The following PIK3CB variants were observed in gnomAD, a reference collection of about 807,000 sequenced individuals.
The protein encoded by PIK3CB is phosphatidylinositol 4,5-bisphosphate 3-kinase catalytic subunit beta isoform.
In PIK3CB, 39 loss-of-function variants were observed where a neutral mutation model predicts 136.8. The observed-to-expected ratio is 0.29, with a 90% CI of 0.22 to 0.37. The LOEUF (loss-of-function observed/expected upper bound fraction) is 0.37. PIK3CB is among the 10% of genes least tolerant of loss of function. PIK3CB has a pLI of 1.00. For missense variants in PIK3CB, 868 were observed against 1,275.4 expected (o/e 0.68, Z 4.87); for synonymous variants, 428 against 436.6 (o/e 0.98, Z 0.25).
At chr3:138,778,133 C>T (rs2045881677) in intron 2 of PIK3CB, 6 of 416,888 alleles carry the variant, frequency 1.4e-5, no homozygotes, top group Admixed American at 2.7e-5. Flanking sequence ...ATCTTCACTA[C>T]CTTGTAGAAG....
intron 4 of PIK3CB, among the ~76,000 whole-genome samples, chr3:138,751,770 A>C (rs2108704222): frequency 6.6e-6 from 1 of 152,148 alleles, no homozygotes; most frequent in East Asian, 1.9e-4. Context: ...CAGGAGTTCG[A>C]GACCAGCCTA....
At chr3:138,660,299 T>C (rs1426370731) in intron 21 of PIK3CB, among the ~76,000 whole-genome samples, 1 of 152,224 alleles carries the variant, frequency 6.6e-6, no homozygotes, top group Non-Finnish European at 1.5e-5. Context: ...ATTTCTATTT[T>C]AACTTTTTGT....
At chr3:138,788,336 T>G (rs896447836) in intron 2 of PIK3CB, among the ~76,000 whole-genome samples, 1 of 152,116 alleles carries the variant, frequency 6.6e-6, no homozygotes, top group African/African-American at 2.4e-5. Flanking sequence ...GAAATAAACT[T>G]AAAACATTCC....
chr3:138,827,531 G>C (rs1933835353), intron 1 of PIK3CB, among the ~76,000 whole-genome samples: 1 of 151,904 alleles, frequency 6.6e-6, no homozygotes, highest in Non-Finnish European at 1.5e-5. Context: ...TAGCCAGGCA[G>C]GCATGATGGT....
At chr3:138,762,013 G>A (rs568791555) in intron 2 of PIK3CB, among the ~76,000 whole-genome samples, 10 of 151,656 alleles carry the variant, frequency 6.6e-5, no homozygotes, top group Middle Eastern at 3.4e-3. Flanking sequence ...TTGGGAGGCC[G>A]AGGTGGGTGG....
intron 1 of PIK3CB, among the ~76,000 whole-genome samples, chr3:138,814,410 G>T (rs1434206275): frequency 6.6e-6 from 1 of 151,596 alleles, no homozygotes; most frequent in African/African-American, 2.4e-5. Flanking sequence ...GCCAGGAGGT[G>T]GAGGTTGCAG....
At chr3:138,815,368 A>AAAAAACAAC (rs1553743731) in intron 1 of PIK3CB, among the ~76,000 whole-genome samples, 1 of 105,910 alleles carries the variant, frequency 9.4e-6, no homozygotes, top group Non-Finnish European at 1.9e-5. Context: ...AAAAAAAAAA[A>AAAAAACAAC]AAAAAAACTA....
chr3:138,658,270 G>A (rs944754778), intron 21 of PIK3CB, among the ~76,000 whole-genome samples: 2 of 151,974 alleles, frequency 1.3e-5, no homozygotes, highest in Non-Finnish European at 2.9e-5. Context: ...GCAACATAGC[G>A]AGACCCCATC....
At chr3:138,812,623 G>C (rs1329182224) in intron 1 of PIK3CB, among the ~76,000 whole-genome samples, 1 of 151,630 alleles carries the variant, frequency 6.6e-6, no homozygotes, top group Admixed American at 6.6e-5. Context: ...TGACTCCCGG[G>C]TTCAAGCGAT....
rs2043158660 is a variant in PIK3CB, at chr3:138,654,364, A to G, written c.*1025T>C. ...TTCCGTGTGGCGTGAAACCATTTCA[A>G]TTTGAACTAATATCCTTGAAAAAAA... On this transcript the variant is annotated 3_prime_UTR_variant, in exon 24 of 24. Coordinates refer to ENST00000674063, the MANE Select transcript of PIK3CB (RefSeq NM_006219.3). 4.5e-6 allele frequency: 1 copy of G among 223,496 alleles called. No individual in the cohort carries two copies. Among genetic ancestry groups the G allele is most frequent in the Admixed American group, 5.7e-5 (1 of 17,498 alleles). 13.8% of individuals were successfully genotyped at this position (223,496 alleles called of 1,614,324 possible).
chr3:138,733,219 T>C (rs2045025801), intron 8 of PIK3CB, 142 bp downstream of exon 8: 1 of 422,954 alleles, frequency 2.4e-6, no homozygotes, highest in Non-Finnish European at 4.3e-6. Flanking sequence ...CTCAATAGTC[T>C]TATAATAAAT....
chr3:138,761,541 G>T (rs1023891221), intron 2 of PIK3CB, among the ~76,000 whole-genome samples: 3 of 152,212 alleles, frequency 2.0e-5, no homozygotes, highest in Admixed American at 6.5e-5. Context: ...GGAGGCCAAG[G>T]CAGGTGGATC....
At chr3:138,754,178 G>T (rs1040214200) in intron 4 of PIK3CB, among the ~76,000 whole-genome samples, 3 of 151,812 alleles carry the variant, frequency 2.0e-5, no homozygotes, top group Non-Finnish European at 4.4e-5. Context: ...AAATATTTGG[G>T]CCAGGTGCTG....
chr3:138,770,705 C>T (rs2045788339), intron 2 of PIK3CB: 1 of 151,784 alleles, frequency 6.6e-6, no homozygotes, highest in South Asian at 2.1e-4. Context: ...AAAAACATTA[C>T]TTCTTTTGTT....
intron 19 of PIK3CB, among the ~76,000 whole-genome samples, chr3:138,676,561 A>C (rs1214403376): frequency 6.6e-6 from 1 of 152,254 alleles, no homozygotes; most frequent in African/African-American, 2.4e-5. Flanking sequence ...GTATAGTTTT[A>C]TAGCAGTTAT....
chr3:138,824,362 A>T (rs1298229049), intron 1 of PIK3CB, among the ~76,000 whole-genome samples: 1 of 152,108 alleles, frequency 6.6e-6, no homozygotes, highest in Non-Finnish European at 1.5e-5. Context: ...TGAGCTGCAG[A>T]CCTATCTCTA....
At chr3:138,698,657 T>C (rs2044186288) in intron 13 of PIK3CB, among the ~76,000 whole-genome samples, 1 of 152,172 alleles carries the variant, frequency 6.6e-6, no homozygotes, top group Non-Finnish European at 1.5e-5. Flanking sequence ...TTTTGATAGA[T>C]AATTGTCCCA....
intron 21 of PIK3CB, among the ~76,000 whole-genome samples, chr3:138,659,486 C>T (rs918400573): frequency 2.0e-5 from 3 of 151,478 alleles, no homozygotes; most frequent in Admixed American, 6.6e-5. Context: ...CACTGCACTC[C>T]AGCCTGGGCG....
intron 8 of PIK3CB, among the ~76,000 whole-genome samples, chr3:138,727,838 T>C (rs2044873350): frequency 6.6e-6 from 1 of 152,112 alleles, no homozygotes; most frequent in South Asian, 2.1e-4. Flanking sequence ...AATTTTGAAT[T>C]TCTTTCTTTT....
Sources: allele counts gnomAD v4.1 joint callset (sites outside exome capture counted in the v4.1 genomes callset), GRCh38; gene constraint gnomAD v4.1.1; transcripts MANE v1.5; gene names NCBI Gene and HGNC (gene_info 2026-07-23, HGNC 2026-07-21).